Variants in ANGPT1 observed in about 807,000 individuals in gnomAD.
ANGPT1 encodes angiopoietin 1, also known as angiopoietin-1.
ANGPT1 carries 17 observed loss-of-function variants against 62.2 expected under a neutral mutation model. That is an observed-to-expected ratio of 0.27 (90% CI 0.19 to 0.41). ANGPT1 has a LOEUF of 0.41. Among genes scored for constraint, ANGPT1 ranks in the 10% least tolerant of loss-of-function variants. The pLI is 1.00. For missense variants in ANGPT1, 478 were observed against 594.9 expected, an observed-to-expected ratio of 0.80 and a Z score of 2.04; for synonymous variants, 199 against 198.9, an observed-to-expected ratio of 1.00 and a Z score of 0.00.
At chr8:107,460,190 A>G (rs1326290921) in intron 1 of ANGPT1, among the ~76,000 whole-genome samples, 1 of 152,182 alleles carries the variant, frequency 6.6e-6, no homozygotes, top group Non-Finnish European at 1.5e-5. Context: ...GGGGATGTAT[A>G]AAGTATTTAC....
chr8:107,448,962 A>G (rs1028934134), intron 1 of ANGPT1, among the ~76,000 whole-genome samples: 3 of 152,088 alleles, frequency 2.0e-5, no homozygotes, highest in African/African-American at 7.2e-5. Context: ...CACAGGCTGA[A>G]TTGACATGGT....
Position 107,332,009 on chromosome 8 carries a change from G to A in ANGPT1, c.575+4141C>T, listed in dbSNP as rs577303980. Among the ~76,000 whole-genome samples the A allele has an allele frequency of 4.6e-5, 7 of 152,216 alleles. No individual in the cohort carries two copies. In the East Asian group the frequency reaches 5.8e-4, roughly 13 times the overall value. On this transcript the variant is annotated intron_variant, in intron 3 of 8. Coordinates refer to ENST00000517746, the MANE Select transcript of ANGPT1 (RefSeq NM_001146.5). ...AGTTGGGGTTAAGTCAGAGATGGGCGGGTGCTGGGAAAACTGGCCAGTTGA... is the reference window on the plus strand; with the variant it reads ...AGTTGGGGTTAAGTCAGAGATGGGCAGGTGCTGGGAAAACTGGCCAGTTGA...
intron 6 of ANGPT1, among the ~76,000 whole-genome samples, chr8:107,287,444 A>G (rs1053734972): frequency 1.3e-5 from 2 of 152,110 alleles, no homozygotes; most frequent in African/African-American, 4.8e-5. Context: ...AGAAACTAAC[A>G]TTTATTTCGA....
intron 1 of ANGPT1, among the ~76,000 whole-genome samples, chr8:107,455,503 A>G (rs1165373956): frequency 6.6e-6 from 1 of 152,054 alleles, no homozygotes; most frequent in Non-Finnish European, 1.5e-5. Flanking sequence ...CAATGTGGTG[A>G]ATAAGTGGTT....
intron 7 of ANGPT1, among the ~76,000 whole-genome samples, chr8:107,277,196 C>A (rs73701005): frequency 1.3e-5 from 2 of 151,942 alleles, no homozygotes. Flanking sequence ...AGAGGATTTA[C>A]TAATTAAGTT....
intron 4 of ANGPT1, among the ~76,000 whole-genome samples, chr8:107,308,776 C>T (rs1814781590): frequency 3.3e-5 from 5 of 152,150 alleles, no homozygotes; most frequent in Admixed American, 3.3e-4. Context: ...TCTTTGTCAT[C>T]TAAAGGGATA....
intron 7 of ANGPT1, among the ~76,000 whole-genome samples, chr8:107,276,704 C>G (rs998731875): frequency 2.0e-5 from 3 of 152,034 alleles, no homozygotes; most frequent in Non-Finnish European, 4.4e-5. Flanking sequence ...GGATCTGAGA[C>G]TTAGAAAAGT....
intron 4 of ANGPT1, among the ~76,000 whole-genome samples, chr8:107,319,600 CAAAG>C (rs1052467320): frequency 3.3e-5 from 5 of 151,054 alleles, no homozygotes; most frequent in African/African-American, 7.3e-5. Context: ...GGTCATAAAA[CAAAG>C]AAAGGCTTTA....
intron 1 of ANGPT1, among the ~76,000 whole-genome samples, chr8:107,351,387 T>C (rs73702034): frequency 3.8e-4 from 58 of 152,178 alleles, no homozygotes; most frequent in African/African-American, 1.4e-3. Context: ...AGTGACTTCA[T>C]AGAAATCAAA....
rs537878737 is a variant in ANGPT1 at position 107,451,908 on chromosome 8, T to C, written c.297+45354A>G. Among the ~76,000 whole-genome samples, 11 of 152,128 alleles carry C rather than the reference T, an allele frequency of 7.2e-5. No individual in the cohort carries two copies. The East Asian group carries it at 1.9e-3, about 27-fold the overall frequency. On this transcript the variant is annotated intron_variant, in intron 1 of 8. Coordinates refer to ENST00000517746, the MANE Select transcript of ANGPT1 (RefSeq NM_001146.5). ...TTCACCATCAGCAATTTTAAAGGAC[T>C]ATTAATGTGTTTTTCACCATGTTGA... is the stretch of plus-strand genomic sequence containing the variant.
intron 8 of ANGPT1, among the ~76,000 whole-genome samples, chr8:107,256,171 A>G (rs1813352232): frequency 6.6e-6 from 1 of 152,226 alleles, no homozygotes; most frequent in African/African-American, 2.4e-5. Context: ...ATGATGAATT[A>G]AGATGGAAGA....
At chr8:107,336,685 AAAAG>A (rs1383669463) in intron 2 of ANGPT1, among the ~76,000 whole-genome samples, 5,118 of 149,432 alleles carry the variant, frequency 0.034, 297 homozygotes, top group African/African-American at 0.12. Context: ...AAAAAAAAAA[AAAAG>A]GTTTACATTC....
At chr8:107,454,280 T>G (rs1321074419) in intron 1 of ANGPT1, among the ~76,000 whole-genome samples, 2 of 152,072 alleles carry the variant, frequency 1.3e-5, no homozygotes, top group Non-Finnish European at 2.9e-5. Context: ...GAGGGAGTTG[T>G]GTAGGGAGGG....
intron 1 of ANGPT1, among the ~76,000 whole-genome samples, chr8:107,365,018 C>T (rs2130219707): frequency 6.6e-6 from 1 of 152,140 alleles, no homozygotes; most frequent in East Asian, 1.9e-4. Flanking sequence ...ACTACCTGAA[C>T]ATCTGACTTC....
intron 1 of ANGPT1, among the ~76,000 whole-genome samples, chr8:107,366,678 C>A (rs1309597599): frequency 1.3e-5 from 2 of 152,120 alleles, no homozygotes; most frequent in African/African-American, 4.8e-5. Flanking sequence ...AATCTAAAGA[C>A]AACATCAATA....
At chr8:107,364,651 T>C (rs560647193) in intron 1 of ANGPT1, among the ~76,000 whole-genome samples, 60 of 152,186 alleles carry the variant, frequency 3.9e-4, no homozygotes, top group Non-Finnish European at 7.6e-4. Context: ...AGAGAATCCA[T>C]TCTTCTAATG....
intron 4 of ANGPT1, among the ~76,000 whole-genome samples, chr8:107,313,452 T>TTC (rs1814931294): frequency 7.2e-6 from 1 of 139,004 alleles, no homozygotes; most frequent in African/African-American, 2.7e-5. Flanking sequence ...TTTTTTTTTT[T>TTC]TTTTTGAGAC....
At chr8:107,271,813 T>C (rs1156601252) in intron 7 of ANGPT1, among the ~76,000 whole-genome samples, 1 of 151,612 alleles carries the variant, frequency 6.6e-6, no homozygotes, top group Non-Finnish European at 1.5e-5. Flanking sequence ...TTGAGAACCC[T>C]ACAATTTTCT....
intron 1 of ANGPT1, among the ~76,000 whole-genome samples, chr8:107,492,183 T>C (rs1812976462): frequency 6.6e-6 from 1 of 152,202 alleles, no homozygotes; most frequent in African/African-American, 2.4e-5. Context: ...CAAATGAAGT[T>C]GATGGGGACA....
Sources: allele counts gnomAD v4.1 joint callset (sites outside exome capture counted in the v4.1 genomes callset), GRCh38; gene constraint gnomAD v4.1.1; transcripts MANE v1.5; gene names NCBI Gene and HGNC (gene_info 2026-07-23, HGNC 2026-07-21).